ZFHX4: variants seen among roughly 807,000 people sequenced by gnomAD.
ZFHX4 encodes the protein zinc finger homeobox 4.
Under a neutral mutation model 267.6 loss-of-function variants are expected in ZFHX4, and 56 were observed. The ratio of observed to expected loss-of-function variants is 0.21; its 90% confidence interval spans 0.17 to 0.26. The LOEUF (loss-of-function observed/expected upper bound fraction) is 0.26, where lower values mean the gene tolerates loss of function less well. Ranked by LOEUF, ZFHX4 falls within the 10% of genes least tolerant of loss-of-function variation. ZFHX4 has a pLI of 1.00. For synonymous variants in ZFHX4, 1,778 were observed against 1,665.6 expected (o/e 1.07, Z -1.64); for missense variants, 4,332 against 4,420.0 (o/e 0.98, Z 0.56).
At chr8:76,825,113 A>C (rs1037060714) in intron 4 of ZFHX4, among the ~76,000 whole-genome samples, 2 of 152,230 alleles carry the variant, frequency 1.3e-5, no homozygotes, top group Admixed American at 1.3e-4. Flanking sequence ...ATTACTTATA[A>C]ATACAATCTA....
In ZFHX4 at chr8:76,849,524, C is replaced by A; in HGVS notation, c.3658C>A (p.Pro1220Thr). Residue 1220 changes from proline to threonine, a missense_variant, in exon 8 of 11, where the codon CCT becomes ACT. Transcript: ENST00000651372. ...CAATATTTTCCAGTTCTATCAATGTCCTTATTGTAACTACAATAGTAGGGA... is the reference window on the plus strand; with the variant it reads ...CAATATTTTCCAGTTCTATCAATGTACTTATTGTAACTACAATAGTAGGGA... ...KFCHEQFYQCPYCNYNSRDQS... is the reference protein window; with the variant it reads ...KFCHEQFYQCTYCNYNSRDQS... 1 of 1,613,042 alleles carries A rather than the reference C, an allele frequency of 6.2e-7. No individual in the cohort carries two copies. Among genetic ancestry groups the A allele is most frequent in the African/African-American group, 1.3e-5 (1 of 75,022 alleles).
chr8:76,773,257 C>T (rs1486859964), intron 3 of ZFHX4, among the ~76,000 whole-genome samples: 1 of 152,066 alleles, frequency 6.6e-6, no homozygotes, highest in Non-Finnish European at 1.5e-5. Context: ...TCAGAACATA[C>T]TATATTCAGA....
Position 76,866,154 on chromosome 8 carries a change from G to C in ZFHX4, c.*1589G>C, listed in dbSNP as rs1004414560. 2 of 152,596 alleles carry C rather than the reference G, an allele frequency of 1.3e-5. No individual in the cohort carries two copies. Among genetic ancestry groups the C allele is most frequent in the Non-Finnish European group, 2.9e-5 (2 of 68,028 alleles). The allele number at this position is 152,596 out of a possible 1,614,324, so 9.5% of individuals were successfully genotyped here. ...AAGGTTATTTGTAAGAAAGTTAAAGGCTTGTGAACAAAGAAAGCTAAGCTG... is the reference window on the plus strand; with the variant it reads ...AAGGTTATTTGTAAGAAAGTTAAAGCCTTGTGAACAAAGAAAGCTAAGCTG... On this transcript the variant is annotated 3_prime_UTR_variant, in exon 11 of 11. Transcript: ENST00000651372.
Position 76,734,421 on chromosome 8 carries a change from G to A in ZFHX4, c.3093+26373G>A, listed in dbSNP as rs191315515. ...CATTCTTTATTCTAATACAGTACACGGAAAATTTTACTCTGTAAACCTGGC... is the reference window on the plus strand; with the variant it reads ...CATTCTTTATTCTAATACAGTACACAGAAAATTTTACTCTGTAAACCTGGC... On this transcript the variant is annotated intron_variant, in intron 3 of 10. Coordinates refer to ENST00000651372, the MANE Select transcript of ZFHX4 (RefSeq NM_024721.5). Among the ~76,000 whole-genome samples the A allele has an allele frequency of 4.6e-5, 7 of 152,212 alleles. No individual in the cohort carries two copies. In the East Asian group the frequency reaches 1.4e-3, roughly 29 times the overall value.
At chr8:76,730,217 T>C (rs1054393797) in intron 3 of ZFHX4, among the ~76,000 whole-genome samples, 4 of 152,154 alleles carry the variant, frequency 2.6e-5, no homozygotes, top group African/African-American at 9.7e-5. Context: ...TCTGTATTAT[T>C]TTTAAAAAGA....
chr8:76,845,694 C>T (rs1290493597), intron 6 of ZFHX4, among the ~76,000 whole-genome samples: 1 of 151,818 alleles, frequency 6.6e-6, no homozygotes, highest in East Asian at 1.9e-4. Context: ...TGAGTATAAA[C>T]CGTTTACAGC....
intron 1 of ZFHX4, among the ~76,000 whole-genome samples, chr8:76,690,870 A>T (rs1284716275): frequency 6.6e-6 from 1 of 152,076 alleles, no homozygotes; most frequent in East Asian, 1.9e-4. Context: ...TGGCCAATAT[A>T]ATCTCAACAG....
intron 4 of ZFHX4, among the ~76,000 whole-genome samples, chr8:76,817,470 A>G (rs1563539300): frequency 6.6e-6 from 1 of 152,122 alleles, no homozygotes; most frequent in Non-Finnish European, 1.5e-5. Flanking sequence ...CATGGTTCTC[A>G]AGGGAAGCGT....
At chr8:76,784,141 T>G (rs1810624999) in intron 4 of ZFHX4, among the ~76,000 whole-genome samples, 2 of 152,172 alleles carry the variant, frequency 1.3e-5, no homozygotes, top group East Asian at 1.9e-4. Flanking sequence ...AAGTCACAGC[T>G]GTGTATGCCA....
At chr8:76,682,885 T>C (rs190128174) in intron 1 of ZFHX4, among the ~76,000 whole-genome samples, 2 of 152,110 alleles carry the variant, frequency 1.3e-5, no homozygotes, top group African/African-American at 4.8e-5. Flanking sequence ...TCTACTTCTA[T>C]CCACCCCCAA....
intron 3 of ZFHX4, among the ~76,000 whole-genome samples, chr8:76,731,633 A>G (rs1190366879): frequency 6.6e-6 from 1 of 152,074 alleles, no homozygotes; most frequent in Non-Finnish European, 1.5e-5. Context: ...TATAAATAAA[A>G]TAATCTCAAA....
intron 10 of ZFHX4, among the ~76,000 whole-genome samples, chr8:76,861,657 G>A (rs1485382952): frequency 2.0e-5 from 3 of 151,782 alleles, no homozygotes; most frequent in African/African-American, 4.8e-5. Flanking sequence ...AAGCTTTCTC[G>A]GTTGGGTAAA....
Position 76,740,969 on chromosome 8 carries a change from T to C in ZFHX4, c.3093+32921T>C, listed in dbSNP as rs144912319. Among the ~76,000 whole-genome samples, 24 of 152,208 alleles carry C rather than the reference T, an allele frequency of 1.6e-4. No homozygotes were observed. The East Asian group carries it at 4.6e-3, about 29-fold the overall frequency. On this transcript the variant is annotated intron_variant, in intron 3 of 10. Coordinates refer to ENST00000651372, the MANE Select transcript of ZFHX4 (RefSeq NM_024721.5). ...AAATCACATCAATTGAATTTATAGA[T>C]ATATTAATTAAAGGAGGATGAGATT...
At chr8:76,725,858 T>G (rs1808838747) in intron 3 of ZFHX4, among the ~76,000 whole-genome samples, 1 of 152,208 alleles carries the variant, frequency 6.6e-6, no homozygotes. Context: ...GAAGTCATAA[T>G]CTGTTAATAC....
At position 76,706,665 on chromosome 8, in the gene ZFHX4, G is replaced by A. The variant is rs534708636; in HGVS notation, c.2577G>A (p.Leu859=). Residue 859 remains leucine (L), a synonymous_variant, in exon 2 of 11, where the codon TTG becomes TTA. Coordinates refer to ENST00000651372, the MANE Select transcript of ZFHX4 (RefSeq NM_024721.5). ...FQLDPATAAA[L]APGLVNNELP... is the part of the protein sequence containing the mutation. ...TGGATCCAGCGACAGCAGCGGCTTT[G>A]GCACCAGGGCTCGGTTAGTATTTCC... 1 of 1,586,320 alleles carries A rather than the reference G, an allele frequency of 6.3e-7. No homozygotes were observed. Among genetic ancestry groups the A allele is most frequent in the African/African-American group, 1.4e-5 (1 of 73,962 alleles).
At position 76,853,523 on chromosome 8, in the gene ZFHX4, C is replaced by T; in HGVS notation, c.6602C>T (p.Thr2201Met). 4 of 1,613,854 alleles carry T rather than the reference C, an allele frequency of 2.5e-6. No individual in the cohort carries two copies. Among genetic ancestry groups the T allele is most frequent in the Non-Finnish European group, 3.4e-6 (4 of 1,179,856 alleles). The change falls in exon 10 of 11, where the codon ACG becomes ATG. Residue 2201 changes from threonine to methionine, a missense_variant. This residue lies in a region of ZFHX4 where 48 missense variants were observed against 95.4 expected (regional missense o/e 0.50). Coordinates refer to ENST00000651372, the MANE Select transcript of ZFHX4 (RefSeq NM_024721.5). ...TACAACTTCAGTAACCCTCCTATAA[C>T]GGTTTTAGAAGATATCAGAATTGAT... ...SPYNFSNPPI[T>M]VLEDIRIDPQ...
At chr8:76,801,826 A>G (rs1199743575) in intron 4 of ZFHX4, among the ~76,000 whole-genome samples, 1 of 152,156 alleles carries the variant, frequency 6.6e-6, no homozygotes, top group African/African-American at 2.4e-5. Flanking sequence ...TGAATTTATG[A>G]GTCAAAAATA....
intron 3 of ZFHX4, among the ~76,000 whole-genome samples, chr8:76,760,117 G>T (rs1206395894): frequency 6.6e-6 from 1 of 152,084 alleles, no homozygotes; most frequent in African/African-American, 2.4e-5. Flanking sequence ...AAGTTCATTA[G>T]ATAAGAAAAA....
At chr8:76,738,599 T>TTTCCCTCCTTCC (rs1554556158) in intron 3 of ZFHX4, among the ~76,000 whole-genome samples, 1 of 130,016 alleles carries the variant, frequency 7.7e-6, no homozygotes, top group Admixed American at 7.9e-5. Context: ...TTTCTTTCTT[T>TTTCCCTCCTTCC]TTCCTTCCTT....
Sources: gnomAD v4.1 joint callset for allele counts (sites outside exome capture counted in the v4.1 genomes callset) on GRCh38, gnomAD v4.1.1 for gene constraint, gnomAD v4.1.1 regional missense constraint, MANE v1.5 for transcripts, NCBI Gene and HGNC (gene_info 2026-07-23, HGNC 2026-07-21) for gene names.